NRG3: variants seen among roughly 807,000 people sequenced by gnomAD.
NRG3 encodes the protein pro-neuregulin-3, membrane-bound isoform.
NRG3 carries 31 observed loss-of-function variants against 66.9 expected under a neutral mutation model. That is an observed-to-expected ratio of 0.46 (90% CI 0.35 to 0.63). NRG3 has a LOEUF of 0.63. Among genes scored for constraint, NRG3 ranks in the 20% least tolerant of loss-of-function variants. The pLI is 0.00. For synonymous variants in NRG3, 393 were observed against 359.4 expected (o/e 1.09, Z -1.06); for missense variants, 910 against 878.9 (o/e 1.04, Z -0.45).
intron 2 of NRG3, among the ~76,000 whole-genome samples, chr10:82,538,089 T>C (rs1017906233): frequency 1.3e-5 from 2 of 152,194 alleles, no homozygotes; most frequent in African/African-American, 4.8e-5. Context: ...ACAATGAGAC[T>C]AATAATAGTG....
intron 3 of NRG3, among the ~76,000 whole-genome samples, chr10:82,764,378 T>A (rs377364955): frequency 0.61 from 82,824 of 135,548 alleles, 24,526 homozygotes; most frequent in South Asian, 0.7. Flanking sequence ...ATGCAAATTT[T>A]TTTTTTTTTT....
At chr10:82,064,673 A>G (rs1409643719) in intron 1 of NRG3, among the ~76,000 whole-genome samples, 1 of 152,200 alleles carries the variant, frequency 6.6e-6, no homozygotes, top group Non-Finnish European at 1.5e-5. Context: ...TACAAGAGAA[A>G]TCTGAGCCAA....
intron 2 of NRG3, among the ~76,000 whole-genome samples, chr10:82,567,567 C>G (rs933947385): frequency 6.6e-6 from 1 of 151,948 alleles, no homozygotes; most frequent in Non-Finnish European, 1.5e-5. Context: ...TTGACATTTG[C>G]TTTGCTTGTT....
intron 1 of NRG3, among the ~76,000 whole-genome samples, chr10:82,118,775 T>C (rs890393268): frequency 6.6e-6 from 1 of 152,112 alleles, no homozygotes; most frequent in Admixed American, 6.6e-5. Flanking sequence ...AAAACAGGCA[T>C]CATAGCCTAT....
chr10:82,075,448 G>C (rs1274650137), intron 1 of NRG3, among the ~76,000 whole-genome samples: 1 of 152,118 alleles, frequency 6.6e-6, no homozygotes, highest in African/African-American at 2.4e-5. Flanking sequence ...GAAAAATGAA[G>C]ATTTAGCATG....
intron 1 of NRG3, among the ~76,000 whole-genome samples, chr10:82,291,153 A>G (rs528708322): frequency 2.7e-5 from 4 of 148,174 alleles, no homozygotes; most frequent in Admixed American, 6.9e-5. Context: ...TACAAGATTA[A>G]CAACACACAC....
chr10:82,201,644 A>G (rs1008356359), intron 1 of NRG3, among the ~76,000 whole-genome samples: 3 of 152,090 alleles, frequency 2.0e-5, no homozygotes, highest in Non-Finnish European at 4.4e-5. Flanking sequence ...AAACTGGTAA[A>G]GGGGGTATCT....
At chr10:82,495,103 G>T (rs1016534353) in intron 2 of NRG3, among the ~76,000 whole-genome samples, 3 of 151,912 alleles carry the variant, frequency 2.0e-5, no homozygotes, top group African/African-American at 7.3e-5. Flanking sequence ...ACCACACCCA[G>T]CTAATTTTTG....
chr10:82,711,856 C>T (rs939137531), intron 2 of NRG3, among the ~76,000 whole-genome samples: 6 of 152,302 alleles, frequency 3.9e-5, no homozygotes, highest in Non-Finnish European at 8.8e-5. Flanking sequence ...ACAGCACTCT[C>T]ATACTTTTGT....
intron 1 of NRG3, among the ~76,000 whole-genome samples, chr10:82,179,288 A>G (rs145813096): frequency 1.1e-4 from 17 of 151,700 alleles, no homozygotes; most frequent in East Asian, 9.7e-4. Flanking sequence ...TTTGTTGTCT[A>G]TTCTTTCGCT....
chr10:82,901,074 A>ACTAT (rs1844172767), intron 4 of NRG3, among the ~76,000 whole-genome samples: 2 of 152,158 alleles, frequency 1.3e-5, no homozygotes, highest in South Asian at 4.1e-4. Context: ...CATCCCCAGA[A>ACTAT]CTATCTAACA....
At chr10:82,801,039 T>G (rs1486805645) in intron 3 of NRG3, among the ~76,000 whole-genome samples, 1 of 152,180 alleles carries the variant, frequency 6.6e-6, no homozygotes, top group Non-Finnish European at 1.5e-5. Flanking sequence ...ATGAGTATTG[T>G]GTTCAGATAG....
chr10:82,626,404 G>C (rs1590928291), intron 2 of NRG3, among the ~76,000 whole-genome samples: 1 of 152,100 alleles, frequency 6.6e-6, no homozygotes, highest in African/African-American at 2.4e-5. Context: ...CCCAATAAAG[G>C]CTTCCATACT....
intron 2 of NRG3, among the ~76,000 whole-genome samples, chr10:82,557,081 A>C (rs183571339): frequency 5.9e-4 from 90 of 152,248 alleles, no homozygotes; most frequent in African/African-American, 2.0e-3. Context: ...TGCTATTGTG[A>C]GTAATGCTGC....
chr10:82,921,977 G>T (rs145076223), intron 4 of NRG3, among the ~76,000 whole-genome samples: 3 of 152,026 alleles, frequency 2.0e-5, no homozygotes, highest in African/African-American at 7.2e-5. Context: ...GGACATTAAA[G>T]TATTTTGTAA....
intron 8 of NRG3, among the ~76,000 whole-genome samples, chr10:82,984,386 G>A (rs1853237441): frequency 6.6e-6 from 1 of 152,196 alleles, no homozygotes; most frequent in Non-Finnish European, 1.5e-5. Context: ...TTACTTGGTT[G>A]TAAGGAAAGA....
intron 2 of NRG3, among the ~76,000 whole-genome samples, chr10:82,596,079 A>G (rs1281869608): frequency 2.0e-5 from 3 of 152,224 alleles, no homozygotes; most frequent in African/African-American, 7.2e-5. Flanking sequence ...TTTTAAATGT[A>G]TGTTTAAATA....
intron 1 of NRG3, among the ~76,000 whole-genome samples, chr10:82,097,538 A>G (rs972176276): frequency 2.0e-5 from 3 of 150,940 alleles, no homozygotes; most frequent in South Asian, 2.1e-4. Flanking sequence ...TGATATATAT[A>G]TATAGGCACA....
chr10:82,749,411 G>C (rs1437750636), intron 3 of NRG3, among the ~76,000 whole-genome samples: 1 of 152,070 alleles, frequency 6.6e-6, no homozygotes, highest in African/African-American at 2.4e-5. Flanking sequence ...CAGGACAAAT[G>C]CCTAAGTTTC....
Sources: gnomAD v4.1 joint callset for allele counts (sites outside exome capture counted in the v4.1 genomes callset) on GRCh38, gnomAD v4.1.1 for gene constraint, MANE v1.5 for transcripts, NCBI Gene and HGNC (gene_info 2026-07-23, HGNC 2026-07-21) for gene names.